P3H2: variants seen among roughly 807,000 people sequenced by gnomAD.
P3H2 encodes the protein leprecan-like 1.
Under a neutral mutation model 87.0 loss-of-function variants are expected in P3H2, and 80 were observed. The ratio of observed to expected loss-of-function variants is 0.92; its 90% CI spans 0.77 to 1.11. The LOEUF (loss-of-function observed/expected upper bound fraction) is 1.11. Among genes scored for constraint, P3H2 ranks in the 50% least tolerant of loss-of-function variants. P3H2 has a pLI of 0.00. For missense variants in P3H2, 1,001 were observed against 923.9 expected (o/e 1.08, Z -1.08); for synonymous variants, 367 against 359.3 (o/e 1.02, Z -0.24).
intron 1 of P3H2, among the ~76,000 whole-genome samples, chr3:190,094,105 G>A (rs754722076): frequency 4.6e-5 from 7 of 152,268 alleles, no homozygotes; most frequent in South Asian, 4.1e-4. Flanking sequence ...AACCAGAATC[G>A]AGAATGTGTT....
At chr3:190,089,078 C>T (rs1026375951) in intron 1 of P3H2, among the ~76,000 whole-genome samples, 1 of 152,130 alleles carries the variant, frequency 6.6e-6, no homozygotes, top group South Asian at 2.1e-4. Context: ...ATTCTCTAGC[C>T]CTTTATCTTA....
intron 1 of P3H2, among the ~76,000 whole-genome samples, chr3:190,006,737 A>G (rs1473608167): frequency 2.0e-5 from 3 of 152,194 alleles, no homozygotes; most frequent in African/African-American, 7.2e-5. Context: ...AGGGTCTTGA[A>G]AAACAGAAAA....
intron 1 of P3H2, among the ~76,000 whole-genome samples, chr3:190,054,800 T>C (rs866835781): frequency 2.0e-4 from 31 of 152,168 alleles, no homozygotes; most frequent in African/African-American, 7.2e-4. Flanking sequence ...TTCAGTATTA[T>C]GAGTAGAAAC....
At chr3:190,004,426 A>G (rs1296504851) in intron 1 of P3H2, among the ~76,000 whole-genome samples, 1 of 152,184 alleles carries the variant, frequency 6.6e-6, no homozygotes, top group Non-Finnish European at 1.5e-5. Flanking sequence ...TCTGTCGCCC[A>G]GGCTGGAGTG....
At chr3:190,101,622 G>A (rs765683397) in intron 1 of P3H2, among the ~76,000 whole-genome samples, 5 of 151,826 alleles carry the variant, frequency 3.3e-5, no homozygotes, top group Non-Finnish European at 7.4e-5. Flanking sequence ...GAAGCAAGCA[G>A]AAGTTGGTTC....
chr3:190,091,636 C>T (rs1159743836), intron 1 of P3H2, among the ~76,000 whole-genome samples: 1 of 152,184 alleles, frequency 6.6e-6, no homozygotes, highest in Non-Finnish European at 1.5e-5. Context: ...AGATCCTTAA[C>T]AAATAGAGTA....
chr3:190,091,611 A>G (rs1324118871), intron 1 of P3H2, among the ~76,000 whole-genome samples: 1 of 152,262 alleles, frequency 6.6e-6, no homozygotes, highest in Non-Finnish European at 1.5e-5. Flanking sequence ...TTTCAAAGGA[A>G]AGATGGCACA....
At chr3:190,108,146 A>G (rs1424943000) in intron 1 of P3H2, among the ~76,000 whole-genome samples, 1 of 151,204 alleles carries the variant, frequency 6.6e-6, no homozygotes, top group Non-Finnish European at 1.5e-5. Flanking sequence ...GGTTTCACAC[A>G]CCATAATTTT....
chr3:190,047,389 T>C (rs138181230), intron 1 of P3H2, among the ~76,000 whole-genome samples: 157 of 152,308 alleles, frequency 1.0e-3, no homozygotes, highest in Middle Eastern at 6.8e-3. Context: ...TGAGTATATA[T>C]CCAAGGGAAA....
At chr3:190,080,956 T>G (rs1238202397) in intron 1 of P3H2, among the ~76,000 whole-genome samples, 1 of 152,228 alleles carries the variant, frequency 6.6e-6, no homozygotes, top group Non-Finnish European at 1.5e-5. Context: ...CCAAAGAAGT[T>G]CAGAGCTTAG....
intron 1 of P3H2, among the ~76,000 whole-genome samples, chr3:190,102,133 C>T (rs1360863622): frequency 2.0e-5 from 3 of 152,184 alleles, no homozygotes; most frequent in Non-Finnish European, 4.4e-5. Context: ...TCTAGTCACC[C>T]AAGAGCTCTG....
At chr3:189,973,172 T>C (rs1036521063) in intron 10 of P3H2, 148 bp from the exon 11 acceptor site, 2 of 689,998 alleles carry the variant, frequency 2.9e-6, no homozygotes, top group Non-Finnish European at 4.8e-6. Flanking sequence ...GGATTTCGGT[T>C]AGGACATTGT....
chr3:190,045,991 C>G (rs189560411), intron 1 of P3H2, among the ~76,000 whole-genome samples: 5 of 152,128 alleles, frequency 3.3e-5, no homozygotes, highest in East Asian at 1.9e-4. Context: ...GCCGTGGTGG[C>G]GGGCGCCTGT....
At chr3:190,045,738 G>T (rs1051157800) in intron 1 of P3H2, among the ~76,000 whole-genome samples, 2 of 151,146 alleles carry the variant, frequency 1.3e-5, no homozygotes, top group East Asian at 2.0e-4. Context: ...CTTAAGAATA[G>T]AATTGAAACA....
chr3:189,961,193 G>A (rs1354438175), intron 14 of P3H2, among the ~76,000 whole-genome samples: 5 of 152,076 alleles, frequency 3.3e-5, no homozygotes, highest in Non-Finnish European at 5.9e-5. Flanking sequence ...TGCCCGCCTC[G>A]GCCTCCCCAA....
At chr3:190,074,435 C>T (rs966332691) in intron 1 of P3H2, among the ~76,000 whole-genome samples, 1 of 152,034 alleles carries the variant, frequency 6.6e-6, no homozygotes, top group Non-Finnish European at 1.5e-5. Flanking sequence ...CACTTGAACC[C>T]AGGAGGCGGA....
chr3:190,000,879 A>G (rs907444586), intron 1 of P3H2, among the ~76,000 whole-genome samples: 16 of 152,230 alleles, frequency 1.1e-4, no homozygotes, highest in African/African-American at 3.6e-4. Context: ...TCTGATACAC[A>G]TTTTAAAATG....
chr3:189,959,858 ATATGTGTGTGTGTGTGTGTGTGTG>A (rs1454519200), intron 14 of P3H2, among the ~76,000 whole-genome samples: 87 of 131,184 alleles, frequency 6.6e-4, no homozygotes, highest in African/African-American at 2.5e-3. Flanking sequence ...ACTGGAGGAG[ATATGTGTGTGTGTGTGTGTGTGTG>A]TGTGTGTGTG....
At chr3:190,119,122 G>A (rs1280845430) in intron 1 of P3H2, among the ~76,000 whole-genome samples, 8 of 111,490 alleles carry the variant, frequency 7.2e-5, no homozygotes, top group Non-Finnish European at 1.1e-4. Flanking sequence ...AAAAGAAAAG[G>A]AAGAGAGGAG....
Sources: allele counts gnomAD v4.1 joint callset (sites outside exome capture counted in the v4.1 genomes callset), GRCh38; gene constraint gnomAD v4.1.1; transcripts MANE v1.5; gene names NCBI Gene and HGNC (gene_info 2026-07-23, HGNC 2026-07-21).